The following CDH23 variants were observed in gnomAD, a reference collection of about 807,000 sequenced individuals.
CDH23 encodes cadherin-23.
A neutral mutation model predicts 317.1 loss-of-function variants in CDH23; 189 were observed. That is an observed-to-expected ratio of 0.60 (90% confidence interval 0.53 to 0.67). CDH23 has a LOEUF of 0.67. Ranked by LOEUF, CDH23 falls within the 30% of genes least tolerant of loss-of-function variation. CDH23 has a pLI of 0.00. For missense variants in CDH23, 4,401 were observed against 4,592.4 expected, an observed-to-expected ratio of 0.96 and a Z score of 1.20; for synonymous variants, 1,839 against 1,876.8, an observed-to-expected ratio of 0.98 and a Z score of 0.52.
intron 1 of CDH23, among the ~76,000 whole-genome samples, chr10:71,434,050 G>A (rs112316467): frequency 0.026 from 4,010 of 152,080 alleles, 180 homozygotes; most frequent in African/African-American, 0.09. Flanking sequence ...AACTCTTCCC[G>A]CTGTGCACCC....
intron 38 of CDH23, among the ~76,000 whole-genome samples, chr10:71,774,830 G>A (rs1418532133): frequency 2.0e-5 from 3 of 152,208 alleles, no homozygotes; most frequent in Non-Finnish European, 2.9e-5. Flanking sequence ...GTCTGACTGG[G>A]TCAGGAACCA....
At chr10:71,736,280 C>T (rs541266692) in intron 34 of CDH23, among the ~76,000 whole-genome samples, 7 of 152,356 alleles carry the variant, frequency 4.6e-5, no homozygotes, top group African/African-American at 1.4e-4. Context: ...CCACCAGCCC[C>T]GGTAGCCCCA....
intron 1 of CDH23, among the ~76,000 whole-genome samples, chr10:71,437,332 C>T (rs570671885): frequency 2.0e-5 from 3 of 152,266 alleles, no homozygotes; most frequent in Admixed American, 6.5e-5. Flanking sequence ...GAGATGTTCG[C>T]GGTGGCATTG....
At chr10:71,757,003 C>T (rs774441228) in intron 38 of CDH23, among the ~76,000 whole-genome samples, 3 of 152,208 alleles carry the variant, frequency 2.0e-5, no homozygotes, top group South Asian at 4.1e-4. Context: ...AAGCAAGTTC[C>T]GCTCCACATT....
intron 9 of CDH23, among the ~76,000 whole-genome samples, chr10:71,591,863 G>GGT (rs957896539): frequency 6.6e-6 from 1 of 152,088 alleles, no homozygotes; most frequent in Non-Finnish European, 1.5e-5. Context: ...TTGGAAATGG[G>GGT]GTGCACTAGC....
intron 1 of CDH23, among the ~76,000 whole-genome samples, chr10:71,430,401 C>T (rs1849316565): frequency 6.6e-6 from 1 of 152,154 alleles, no homozygotes; most frequent in Admixed American, 6.5e-5. Context: ...CTTTGGAGGG[C>T]AGTTTGCCAA....
chr10:71,542,493 A>C (rs7914113), intron 6 of CDH23, among the ~76,000 whole-genome samples: 21,320 of 152,188 alleles, frequency 0.14, 1,789 homozygotes, highest in South Asian at 0.21. Flanking sequence ...CTCCGATGGC[A>C]GGACTCAGGG....
At chr10:71,736,272 A>T (rs1589386113) in intron 34 of CDH23, among the ~76,000 whole-genome samples, 1 of 152,176 alleles carries the variant, frequency 6.6e-6, no homozygotes, top group Admixed American at 6.5e-5. Context: ...CCCCAGATCC[A>T]CCAGCCCCGG....
rs190774933 is a variant in CDH23, at chr10:71,751,957, C to T, written c.4845+10036C>T. ...TTTTTCTCTCCTCCCTTTCTCTCACCTACATCCCCATCCCCAAGCCTCAGC... is the reference window on the plus strand; with the variant it reads ...TTTTTCTCTCCTCCCTTTCTCTCACTTACATCCCCATCCCCAAGCCTCAGC... On this transcript the variant is annotated intron_variant, in intron 38 of 69. Coordinates refer to ENST00000224721, the MANE Select transcript of CDH23 (RefSeq NM_022124.6). This position sits in a 1 kb window ranked among gnomAD's most constrained non-coding sequence, Gnocchi z 4.9. 190 of 1,279,102 alleles carry T rather than the reference C, an allele frequency of 1.5e-4. No homozygotes were observed. The East Asian group carries it at 4.6e-3, about 31-fold the overall frequency. The allele number at this position is 1,279,102 out of a possible 1,614,324, so 79.2% of individuals were successfully genotyped here.
At chr10:71,649,409 C>G (rs1001416644) in intron 14 of CDH23, among the ~76,000 whole-genome samples, 1 of 152,240 alleles carries the variant, frequency 6.6e-6, no homozygotes, top group Admixed American at 6.5e-5. Context: ...AGCCGAGCGT[C>G]CCCAGCTCTC....
intron 48 of CDH23, 85 bp downstream of exon 48, chr10:71,793,725 CT>C: frequency 9.5e-7 from 1 of 1,049,194 alleles, no homozygotes; most frequent in Non-Finnish European, 1.3e-6. Flanking sequence ...TTTCTCCTTT[CT>C]CTTTCTTTGC....
chr10:71,472,506 C>G (rs559657230), intron 3 of CDH23, among the ~76,000 whole-genome samples: 9 of 152,374 alleles, frequency 5.9e-5, no homozygotes, highest in Non-Finnish European at 1.2e-4. Flanking sequence ...CTCACTCAGC[C>G]CAGCTGCCAG....
At chr10:71,482,732 T>C (rs879531369) in intron 3 of CDH23, among the ~76,000 whole-genome samples, 1 of 152,204 alleles carries the variant, frequency 6.6e-6, no homozygotes, top group Non-Finnish European at 1.5e-5. Context: ...CGAGTGCGAA[T>C]GGAGACACAG....
At position 71,705,013 on chromosome 10, in the gene CDH23, G is replaced by T; in HGVS notation, c.2836G>T (p.Val946Leu). The change falls in exon 25 of 70, where the codon GTG becomes TTG. Residue 946 changes from valine to leucine, a missense_variant. Physicochemically the swap from Val to Leu is conservative, Grantham distance 32 (BLOSUM62 1). Transcript: ENST00000224721. ...CTTCCTCATCAACAGCAGCAGCGGC[G>T]TGGTGGTCACCACCACCGAGCTGGA... ...MDFLINSSSG[V>L]VVTTTELDRE... 7 of 1,612,756 alleles carry T rather than the reference G, an allele frequency of 4.3e-6. No individual in the cohort carries two copies. The highest frequency in any genetic ancestry group is 5.1e-6 in the Non-Finnish European group (6 of 1,179,806).
intron 38 of CDH23, chr10:71,750,655 G>C (rs528021424): frequency 6.6e-6 from 1 of 152,592 alleles, no homozygotes; most frequent in South Asian, 2.0e-4. Context: ...GGAAGCCCCA[G>C]ATTGACTTAA....
Position 71,811,441 on chromosome 10 carries a change from C to T in CDH23, c.9198+6C>T, listed in dbSNP as rs753789618. ...ATGACATGTCTGCCCTGCAGGTACC[C>T]GGCGACCGTGCCCCACAGCCCTAGC... On this transcript the variant is annotated splice_donor_region_variant and intron_variant, in intron 63 of 69. Transcript: ENST00000224721. The T allele has an allele frequency of 2.1e-5, 34 of 1,614,000 alleles. No individual in the cohort carries two copies. Among genetic ancestry groups the T allele is most frequent in the Admixed American group, 1.2e-4 (7 of 60,020 alleles).
In CDH23 at chr10:71,725,389, T is replaced by C. The variant is rs1482802654; in HGVS notation, c.3448T>C (p.Phe1150Leu). 6.2e-7 allele frequency: 1 copy of C among 1,613,996 alleles called. No individual in the cohort carries two copies. Among genetic ancestry groups the C allele is most frequent in the Non-Finnish European group, 8.5e-7 (1 of 1,179,884 alleles). Residue 1150 changes from phenylalanine to leucine, a missense_variant, in exon 30 of 70, where the codon TTC (phenylalanine) becomes CTC (leucine). Phe to Leu is a conservative substitution (Grantham distance 22). Transcript: ENST00000224721. ...RILHGNHGNN[F>L]RIHVSNGLLM... ...CCACACAGGTAACCATGGCAACAAC[T>C]TCCGGATCCATGTCAGCAATGGGCT... is the stretch of plus-strand genomic sequence containing the variant.
At chr10:71,684,045 C>T (rs1008791681) in intron 18 of CDH23, among the ~76,000 whole-genome samples, 1 of 151,746 alleles carries the variant, frequency 6.6e-6, no homozygotes, top group Admixed American at 6.6e-5. Flanking sequence ...CGCACCATTG[C>T]ACTTCAGCCT....
intron 20 of CDH23, 89 bp from the exon 21 acceptor site, chr10:71,694,058 T>C: frequency 9.7e-7 from 1 of 1,030,386 alleles, no homozygotes; most frequent in Non-Finnish European, 1.5e-6. Context: ...GTTCTCACCC[T>C]CTCTCCTTCC....
Sources: gnomAD v4.1 joint callset for allele counts (sites outside exome capture counted in the v4.1 genomes callset) on GRCh38, gnomAD v4.1.1 for gene constraint, Gnocchi (gnomAD v3.1) non-coding constraint, MANE v1.5 for transcripts, NCBI Gene and HGNC (gene_info 2026-07-23, HGNC 2026-07-21) for gene names.